PLEKHA2: variants seen among roughly 807,000 people sequenced by gnomAD.
PLEKHA2 encodes pleckstrin homology domain containing A2.
A neutral mutation model predicts 53.2 loss-of-function variants in PLEKHA2; 28 were observed. That is an observed-to-expected ratio of 0.53 (90% CI 0.39 to 0.72). The LOEUF (loss-of-function observed/expected upper bound fraction) is 0.72. Among genes scored for constraint, PLEKHA2 ranks in the 30% least tolerant of loss-of-function variants. The pLI, the probability that PLEKHA2 is intolerant of heterozygous loss-of-function variation, is 0.00. For synonymous variants in PLEKHA2, 193 were observed against 196.4 expected (o/e 0.98, Z 0.14); for missense variants, 426 against 537.9 (o/e 0.79, Z 2.06).
intron 4 of PLEKHA2, among the ~76,000 whole-genome samples, chr8:38,944,371 G>A (rs1458343052): frequency 6.6e-6 from 1 of 151,984 alleles, no homozygotes; most frequent in Admixed American, 6.6e-5. Context: ...AAAAAAATTA[G>A]CTGGGCGTGG....
intron 2 of PLEKHA2, among the ~76,000 whole-genome samples, chr8:38,933,342 A>G (rs1430220346): frequency 1.3e-5 from 2 of 152,206 alleles, no homozygotes; most frequent in African/African-American, 4.8e-5. Flanking sequence ...TCTGTTTTAT[A>G]GGTAAAGAGA....
chr8:38,958,541 C>T (rs1834984279), intron 10 of PLEKHA2, among the ~76,000 whole-genome samples: 1 of 152,150 alleles, frequency 6.6e-6, no homozygotes, highest in South Asian at 2.1e-4. Flanking sequence ...TCCGCCGAGC[C>T]CAGCACGTGT....
At chr8:38,931,203 G>A (rs1166246237) in intron 2 of PLEKHA2, among the ~76,000 whole-genome samples, 1 of 152,058 alleles carries the variant, frequency 6.6e-6, no homozygotes, top group Non-Finnish European at 1.5e-5. Context: ...GCTTGAACCC[G>A]GGAGGTGGAG....
chr8:38,951,735 C>G (rs1218999505), intron 6 of PLEKHA2, among the ~76,000 whole-genome samples: 1 of 151,974 alleles, frequency 6.6e-6, no homozygotes, highest in Non-Finnish European at 1.5e-5. Context: ...GAGACAAGGT[C>G]TCGCTGTGTT....
At chr8:38,951,451 TTATTTA>T (rs1018813166) in intron 6 of PLEKHA2, among the ~76,000 whole-genome samples, 1 of 150,384 alleles carries the variant, frequency 6.6e-6, no homozygotes, top group African/African-American at 2.4e-5. Context: ...CCTGTTTTAA[TTATTTA>T]TATTTATTTA....
intron 1 of PLEKHA2, among the ~76,000 whole-genome samples, chr8:38,909,956 A>G (rs988281504): frequency 5.5e-5 from 8 of 146,444 alleles, no homozygotes; most frequent in Non-Finnish European, 1.0e-4. Flanking sequence ...TTTCATTAAA[A>G]TACTTTTTTT....
Position 38,913,557 on chromosome 8 carries a change from C to T in PLEKHA2, c.-23-4350C>T, listed in dbSNP as rs1833987032. Among the ~76,000 whole-genome samples the T allele has an allele frequency of 2.0e-5, 3 of 152,138 alleles. No individual in the cohort carries two copies. The South Asian group carries it at 6.2e-4, about 32-fold the overall frequency. On this transcript the variant is annotated intron_variant, in intron 1 of 11. Transcript: ENST00000617275. ...AAGAGTAGCGATAGTCCTTGCAGCC[C>T]CTGCAAATCTGTCTGTGACTGGTTG...
At chr8:38,950,627 C>T in intron 5 of PLEKHA2, 1 of 426,162 alleles carries the variant, frequency 2.3e-6, no homozygotes, top group South Asian at 6.3e-5. Context: ...TAAGTAGGCG[C>T]TCAAGAAATT....
intron 3 of PLEKHA2, 121 bp from the exon 4 acceptor site, chr8:38,943,668 A>G (rs1834653001): frequency 2.7e-6 from 2 of 732,416 alleles, no homozygotes; most frequent in Non-Finnish European, 2.1e-6. Context: ...TTTAATTATT[A>G]TTTTTTAAAA....
At chr8:38,905,607 C>A (rs1379935161) in intron 1 of PLEKHA2, among the ~76,000 whole-genome samples, 1 of 152,010 alleles carries the variant, frequency 6.6e-6, no homozygotes. Context: ...ACGCTCCCCC[C>A]TCACCACTCC....
chr8:38,928,674 A>G (rs770653248), intron 2 of PLEKHA2, among the ~76,000 whole-genome samples: 1 of 152,220 alleles, frequency 6.6e-6, no homozygotes, highest in Non-Finnish European at 1.5e-5. Flanking sequence ...GTGTCTGTCA[A>G]CAAGAAATCG....
chr8:38,940,075 G>C (rs544776031), intron 3 of PLEKHA2, among the ~76,000 whole-genome samples: 2 of 132,058 alleles, frequency 1.5e-5, no homozygotes, highest in Admixed American at 1.6e-4. Context: ...GCCTGAGACA[G>C]AGTGAGACCC....
intron 2 of PLEKHA2, 116 bp downstream of exon 2, chr8:38,918,186 G>A: frequency 7.4e-7 from 1 of 1,347,802 alleles, no homozygotes; most frequent in Non-Finnish European, 1.0e-6. Context: ...CTGCTGATCA[G>A]CAGGGAGGGG....
intron 3 of PLEKHA2, among the ~76,000 whole-genome samples, chr8:38,942,188 G>A (rs1834623894): frequency 6.6e-6 from 1 of 152,078 alleles, no homozygotes; most frequent in South Asian, 2.1e-4. Flanking sequence ...GATCACTTGA[G>A]GCCAGGAGGT....
At chr8:38,935,317 T>C (rs1054102883) in intron 2 of PLEKHA2, among the ~76,000 whole-genome samples, 1 of 152,074 alleles carries the variant, frequency 6.6e-6, no homozygotes, top group African/African-American at 2.4e-5. Flanking sequence ...CCTTCTTAAA[T>C]GTATTAACTC....
intron 10 of PLEKHA2, among the ~76,000 whole-genome samples, chr8:38,967,205 G>A (rs1249283518): frequency 6.6e-6 from 1 of 152,162 alleles, no homozygotes; most frequent in African/African-American, 2.4e-5. Context: ...TGGACACTTA[G>A]GTTGGTTCCA....
At position 38,973,041 on chromosome 8, in the gene PLEKHA2, G is replaced by A. The variant is rs1835281134; in HGVS notation, c.*3258G>A. ...CAGCCTGGACCTCCTGGGCTCAAGT[G>A]ATCTTCCTGCCTCACAGCCTCCCAA... On this transcript the variant is annotated 3_prime_UTR_variant, in exon 12 of 12. Coordinates refer to ENST00000617275, the MANE Select transcript of PLEKHA2 (RefSeq NM_021623.2). 1 of 152,240 alleles carries A rather than the reference G, an allele frequency of 6.6e-6. No individual in the cohort carries two copies. Among genetic ancestry groups the A allele is most frequent in the African/African-American group, 2.4e-5 (1 of 41,422 alleles). The allele number at this position is 152,240 out of a possible 1,614,324, so 9.4% of individuals were successfully genotyped here. A position where few individuals can be genotyped will look rare whatever the true frequency, so the allele number is the denominator to read the frequency against.
chr8:38,951,087 G>A lies in PLEKHA2; in HGVS notation c.486+97G>A. On this transcript the variant is annotated intron_variant, in intron 6 of 11. Transcript: ENST00000617275. ...CGGAGCACTGTACTGGGGAAAAGGA[G>A]GGTGGGAGTGGGGGGCAGCTGGTGC... 1.0e-5 allele frequency: 10 copies of A among 964,760 alleles called. 2 individuals carry two copies. The highest frequency in any genetic ancestry group is 1.5e-5 in the Non-Finnish European group (10 of 685,352). The allele number at this position is 964,760 out of a possible 1,614,324, so 59.8% of individuals were successfully genotyped here. A position where few individuals can be genotyped will look rare whatever the true frequency, so the allele number is the denominator to read the frequency against.
intron 1 of PLEKHA2, 117 bp from the exon 2 acceptor site, chr8:38,917,790 C>A: frequency 2.6e-6 from 3 of 1,163,028 alleles, no homozygotes; most frequent in Non-Finnish European, 2.4e-6. Flanking sequence ...ACATTTGGTG[C>A]CCCCACGGAA....
Sources: allele counts gnomAD v4.1 joint callset (sites outside exome capture counted in the v4.1 genomes callset), GRCh38; gene constraint gnomAD v4.1.1; transcripts MANE v1.5; gene names NCBI Gene and HGNC (gene_info 2026-07-23, HGNC 2026-07-21).